The following PRKCB variants were observed in gnomAD, a reference collection of about 807,000 sequenced individuals.
PRKCB encodes the protein protein kinase C beta.
Under a neutral mutation model 81.5 loss-of-function variants are expected in PRKCB, and 13 were observed. The observed-to-expected ratio is 0.16, with a 90% confidence interval of 0.10 to 0.25. The LOEUF (loss-of-function observed/expected upper bound fraction) is 0.25. Among genes scored for constraint, PRKCB ranks in the 10% least tolerant of loss-of-function variants. The pLI is 1.00. For missense variants in PRKCB, 509 were observed against 875.7 expected (o/e 0.58, Z 5.29); for synonymous variants, 335 against 321.4 (o/e 1.04, Z -0.45).
chr16:24,207,660 A>G (rs1469385837), intron 16 of PRKCB, among the ~76,000 whole-genome samples: 4 of 152,212 alleles, frequency 2.6e-5, no homozygotes, highest in African/African-American at 9.6e-5. Context: ...CTATTGGCCC[A>G]TAGTAGATTC....
chr16:24,064,795 T>G (rs1461255839), intron 5 of PRKCB, among the ~76,000 whole-genome samples: 1 of 151,896 alleles, frequency 6.6e-6, no homozygotes, highest in Non-Finnish European at 1.5e-5. Flanking sequence ...GAATTGATCC[T>G]TTTATCATTC....
chr16:23,999,242 C>T (rs1265224594), intron 3 of PRKCB, among the ~76,000 whole-genome samples: 3 of 152,164 alleles, frequency 2.0e-5, no homozygotes. Flanking sequence ...TGGTGTGCAG[C>T]AAGTTCGTGA....
intron 2 of PRKCB, among the ~76,000 whole-genome samples, chr16:23,884,811 G>A (rs1003216244): frequency 6.6e-6 from 1 of 152,160 alleles, no homozygotes; most frequent in Non-Finnish European, 1.5e-5. Context: ...AAAGTGCTAG[G>A]ATGACAGGTG....
rs111268874 is a variant in PRKCB at position 24,056,338 on chromosome 16, G to A, written c.529+20791G>A. On this transcript the variant is annotated intron_variant, in intron 5 of 16. Transcript: ENST00000643927. Reference sequence around the variant, plus strand: ...CTTATGGGGACTTGTGGGTCATACAGGTTCCCCTAGAAAGATGATGGGCAG... The same window carrying A: ...CTTATGGGGACTTGTGGGTCATACAAGTTCCCCTAGAAAGATGATGGGCAG... Among the ~76,000 whole-genome samples, 264 of 152,302 alleles carry A rather than the reference G, an allele frequency of 1.7e-3. 3 individuals carry two copies. The highest frequency in any genetic ancestry group is 6.1e-3 in the African/African-American group (253 of 41,560).
intron 2 of PRKCB, among the ~76,000 whole-genome samples, chr16:23,868,912 A>G (rs1962855602): frequency 6.6e-6 from 1 of 152,208 alleles, no homozygotes; most frequent in Admixed American, 6.5e-5. Flanking sequence ...AGCTTCCCTG[A>G]ATGAATCTCA....
At chr16:24,156,226 A>T (rs755085955) in intron 10 of PRKCB, among the ~76,000 whole-genome samples, 1 of 152,058 alleles carries the variant, frequency 6.6e-6, no homozygotes, top group Non-Finnish European at 1.5e-5. Flanking sequence ...TTTATTTAAT[A>T]GTTCTCAAGA....
intron 3 of PRKCB, among the ~76,000 whole-genome samples, chr16:24,028,277 C>T (rs1965508283): frequency 6.6e-6 from 1 of 152,120 alleles, no homozygotes; most frequent in Admixed American, 6.5e-5. Flanking sequence ...TAAATAGAGA[C>T]AGGGTTTCAC....
intron 5 of PRKCB, among the ~76,000 whole-genome samples, chr16:24,072,292 G>A (rs74598434): frequency 0.02 from 2,992 of 152,178 alleles, 77 homozygotes; most frequent in African/African-American, 0.067. Flanking sequence ...TTTTGAGACA[G>A]GGTGTTTCTC....
intron 7 of PRKCB, among the ~76,000 whole-genome samples, chr16:24,102,285 T>G (rs1008832645): frequency 3.3e-5 from 5 of 152,194 alleles, no homozygotes; most frequent in Non-Finnish European, 5.9e-5. Context: ...GAAGGGAACT[T>G]TTCCAAAATA....
intron 2 of PRKCB, among the ~76,000 whole-genome samples, chr16:23,852,390 T>G (rs1962488237): frequency 6.6e-6 from 1 of 152,232 alleles, no homozygotes; most frequent in African/African-American, 2.4e-5. Flanking sequence ...ATTTTTATCC[T>G]TTATTTTGTT....
At chr16:24,125,319 C>G (rs200365378) in intron 9 of PRKCB, among the ~76,000 whole-genome samples, 2 of 55,330 alleles carry the variant, frequency 3.6e-5, no homozygotes. Flanking sequence ...ATCATCTGGC[C>G]CTTGTTCTCT....
rs1967451519 is a variant in PRKCB at position 24,172,208 on chromosome 16, T to C, written c.1240-62T>C. 4 of 1,219,948 alleles carry C rather than the reference T, an allele frequency of 3.3e-6. No homozygotes were observed. In the South Asian group the frequency reaches 5.0e-5, roughly 15 times the overall value. The allele number at this position is 1,219,948 out of a possible 1,614,324, so 75.6% of individuals were successfully genotyped here. On this transcript the variant is annotated intron_variant, in intron 10 of 16. Transcript: ENST00000643927. Reference sequence around the variant, plus strand: ...TCATAAATTCCAGCTCTTCCCCCACTGTCCATTTGGAGCCCCAGAAGCTAC... The same window carrying C: ...TCATAAATTCCAGCTCTTCCCCCACCGTCCATTTGGAGCCCCAGAAGCTAC...
intron 3 of PRKCB, among the ~76,000 whole-genome samples, chr16:23,995,374 G>A (rs1331700149): frequency 6.6e-6 from 1 of 152,214 alleles, no homozygotes; most frequent in African/African-American, 2.4e-5. Flanking sequence ...ATCCAATGGT[G>A]GTTGGTTAGT....
chr16:24,202,368 G>A (rs1053575078), intron 16 of PRKCB, among the ~76,000 whole-genome samples: 12 of 151,978 alleles, frequency 7.9e-5, no homozygotes, highest in Admixed American at 2.0e-4. Context: ...TTCTGCTCCC[G>A]CCATCCTATT....
At chr16:23,873,388 A>G (rs1321644919) in intron 2 of PRKCB, among the ~76,000 whole-genome samples, 1 of 151,066 alleles carries the variant, frequency 6.6e-6, no homozygotes, top group Non-Finnish European at 1.5e-5. Context: ...AAAAAGAGAG[A>G]AAAAAGAAAA....
chr16:24,094,337 C>A, intron 7 of PRKCB, 40 bp downstream of exon 7: 2 of 1,601,430 alleles, frequency 1.2e-6, no homozygotes, highest in Non-Finnish European at 1.7e-6. Context: ...ATACAGCTTG[C>A]TCCATCAAAC....
intron 5 of PRKCB, among the ~76,000 whole-genome samples, chr16:24,092,023 A>G (rs561683331): frequency 2.4e-4 from 36 of 152,348 alleles, no homozygotes; most frequent in African/African-American, 8.7e-4. Context: ...TTAACGTAAC[A>G]TAAAATTAAC....
intron 2 of PRKCB, among the ~76,000 whole-genome samples, chr16:23,986,777 A>G (rs962445465): frequency 1.4e-4 from 21 of 152,264 alleles, no homozygotes; most frequent in African/African-American, 4.3e-4. Context: ...TTAAACATAT[A>G]TAAAAGTAAC....
At chr16:23,859,211 AG>A (rs1452036210) in intron 2 of PRKCB, among the ~76,000 whole-genome samples, 2 of 152,182 alleles carry the variant, frequency 1.3e-5, no homozygotes, top group Admixed American at 1.3e-4. Context: ...CAACAAACCC[AG>A]GTGGTCTGAC....
Sources: allele counts gnomAD v4.1 joint callset (sites outside exome capture counted in the v4.1 genomes callset), GRCh38; gene constraint gnomAD v4.1.1; transcripts MANE v1.5; gene names NCBI Gene and HGNC (gene_info 2026-07-23, HGNC 2026-07-21).